The following CNNM2 variants were observed in gnomAD, a reference collection of about 807,000 sequenced individuals.
The protein encoded by CNNM2 is cyclin and CBS domain divalent metal cation transport mediator 2.
A neutral mutation model predicts 66.9 loss-of-function variants in CNNM2; 12 were observed. The ratio of observed to expected loss-of-function variants is 0.18; its 90% CI spans 0.11 to 0.29. CNNM2 has a LOEUF of 0.29. Ranked by LOEUF, CNNM2 falls within the 10% of genes least tolerant of loss-of-function variation. The probability of loss-of-function intolerance (pLI) is 1.00; values close to 1 mark genes in which losing one functional copy is unlikely to be tolerated. For missense variants in CNNM2, 705 were observed against 1,167.7 expected, an observed-to-expected ratio of 0.60 and a Z score of 5.77; for synonymous variants, 557 against 501.8, an observed-to-expected ratio of 1.11 and a Z score of -1.47.
At chr10:102,934,052 C>G (rs922506738) in intron 1 of CNNM2, among the ~76,000 whole-genome samples, 5 of 150,002 alleles carry the variant, frequency 3.3e-5, no homozygotes, top group African/African-American at 4.9e-5. Flanking sequence ...CTATGTTGCC[C>G]AGGCTGATCT....
intron 4 of CNNM2, among the ~76,000 whole-genome samples, chr10:103,058,905 A>G (rs2065338407): frequency 6.6e-6 from 1 of 152,226 alleles, no homozygotes; most frequent in Admixed American, 6.5e-5. Flanking sequence ...TCACTAAGCC[A>G]GCGTTGGAAG....
At chr10:102,933,327 G>C (rs372968583) in intron 1 of CNNM2, among the ~76,000 whole-genome samples, 99 of 152,244 alleles carry the variant, frequency 6.5e-4, no homozygotes, top group African/African-American at 2.1e-3. Context: ...GTAGTTTTCA[G>C]TGTGCTTGCA....
chr10:102,941,416 C>T (rs1846428992), intron 1 of CNNM2, among the ~76,000 whole-genome samples: 1 of 151,722 alleles, frequency 6.6e-6, no homozygotes, highest in African/African-American at 2.4e-5. Context: ...TTGATATTGT[C>T]TTTTAACAAG....
At chr10:103,052,366 G>A (rs1310570636) in intron 2 of CNNM2, among the ~76,000 whole-genome samples, 1 of 151,654 alleles carries the variant, frequency 6.6e-6, no homozygotes, top group Non-Finnish European at 1.5e-5. Context: ...TTAGGAAGGC[G>A]ATTTACCATT....
chr10:103,034,574 G>C (rs1472463618), intron 1 of CNNM2, among the ~76,000 whole-genome samples: 1 of 152,100 alleles, frequency 6.6e-6, no homozygotes, highest in Non-Finnish European at 1.5e-5. Context: ...TTGTGTTGTA[G>C]AAATCAGCCA....
intron 1 of CNNM2, among the ~76,000 whole-genome samples, chr10:102,957,334 A>G (rs950682998): frequency 6.6e-6 from 1 of 152,162 alleles, no homozygotes; most frequent in Non-Finnish European, 1.5e-5. Flanking sequence ...AAAAAAGATG[A>G]TAAGATTTCA....
chr10:102,995,155 C>T (rs1477847504), intron 1 of CNNM2, among the ~76,000 whole-genome samples: 2 of 20,930 alleles, frequency 9.6e-5, no homozygotes, highest in Non-Finnish European at 1.2e-4. Context: ...CCTCCTCCCC[C>T]TCTTCCTCCT....
chr10:103,051,051 C>T (rs1434440893), intron 2 of CNNM2, among the ~76,000 whole-genome samples: 4 of 152,082 alleles, frequency 2.6e-5, no homozygotes, highest in African/African-American at 9.7e-5. Context: ...TAAAGCATGG[C>T]TTGGCGGAGG....
At chr10:102,921,032 G>A in intron 1 of CNNM2, 1 of 953,800 alleles carries the variant, frequency 1.0e-6, no homozygotes, top group South Asian at 4.8e-5. Flanking sequence ...TTAAGTTGAA[G>A]TATGTCTCCG....
intron 1 of CNNM2, among the ~76,000 whole-genome samples, chr10:103,006,484 G>A (rs902933803): frequency 6.6e-6 from 1 of 152,124 alleles, no homozygotes; most frequent in Non-Finnish European, 1.5e-5. Context: ...GGGATTACAG[G>A]TGTGAACCAC....
At chr10:103,020,034 GT>G (rs540815647) in intron 1 of CNNM2, among the ~76,000 whole-genome samples, 2 of 151,872 alleles carry the variant, frequency 1.3e-5, no homozygotes, top group African/African-American at 2.4e-5. Flanking sequence ...TACTCGTGTG[GT>G]TTTTTTCTTA....
chr10:103,056,903 C>T lies in CNNM2; in HGVS notation c.2012C>T (p.Ala671Val), dbSNP rs375262395. Residue 671 changes from alanine to valine, a missense_variant, in exon 4 of 8, where the codon GCC (alanine) becomes GTC (valine). Ala to Val is a moderately conservative substitution (Grantham distance 64, BLOSUM62 0). Coordinates refer to ENST00000369878, the MANE Select transcript of CNNM2 (RefSeq NM_017649.5). Reference protein sequence around the residue: ...ELKYDEKNKKAPEYYLYQRNK... With the variant: ...ELKYDEKNKKVPEYYLYQRNK... ...AAATATGATGAGAAGAACAAGAAAG[C>T]CCCCGAATACTACCTCTACCAGCGC... 1.5e-5 allele frequency: 25 copies of T among 1,613,828 alleles called. No homozygotes were observed. The highest frequency in any genetic ancestry group is 2.0e-5 in the Non-Finnish European group (24 of 1,179,894).
rs1213484968 is a variant in CNNM2 at position 103,083,131 on chromosome 10, A to G, written c.*5951A>G. 4 of 152,206 alleles carry G rather than the reference A, an allele frequency of 2.6e-5. No homozygotes were observed. The highest frequency in any genetic ancestry group is 9.7e-5 in the African/African-American group (4 of 41,446). 9.4% of individuals were successfully genotyped at this position (152,206 alleles called of 1,614,324 possible). ...CCTCAGCCTTTATTCACTGTATCAT[A>G]GTGTACAGGTCATGCATTTGAGCAG... On this transcript the variant is annotated 3_prime_UTR_variant, in exon 8 of 8. Transcript: ENST00000369878.
chr10:102,982,026 T>C (rs1475259341), intron 1 of CNNM2, among the ~76,000 whole-genome samples: 1 of 152,296 alleles, frequency 6.6e-6, no homozygotes, highest in East Asian at 1.9e-4. Flanking sequence ...ATTTGAAGTA[T>C]ATCCACTACA....
At chr10:103,053,032 G>A (rs2065241432) in intron 2 of CNNM2, among the ~76,000 whole-genome samples, 1 of 152,206 alleles carries the variant, frequency 6.6e-6, no homozygotes, top group Non-Finnish European at 1.5e-5. Context: ...CCTTGGGAAG[G>A]AGCAAGCAAT....
chr10:102,947,610 G>A (rs1340031432), intron 1 of CNNM2, among the ~76,000 whole-genome samples: 2 of 151,970 alleles, frequency 1.3e-5, no homozygotes, highest in Non-Finnish European at 2.9e-5. Flanking sequence ...AATTAGCTGG[G>A]CGTAGTGGTG....
Position 103,089,457 on chromosome 10 carries a change from C to T in CNNM2, c.*12277C>T. 1.4e-6 allele frequency: 1 copy of T among 694,772 alleles called. No individual in the cohort carries two copies. Among genetic ancestry groups the T allele is most frequent in the South Asian group, 3.7e-5 (1 of 27,068 alleles). 43.0% of individuals were successfully genotyped at this position (694,772 alleles called of 1,614,324 possible). A position where few individuals can be genotyped will look rare whatever the true frequency, so the allele number is the denominator to read the frequency against. ...ATTTTACCCTTATTTTCTTCTAATA[C>T]AGACTCCATTACAATTTTGGACCAT... is the stretch of plus-strand genomic sequence containing the variant. On this transcript the variant is annotated 3_prime_UTR_variant, in exon 8 of 8. Transcript: ENST00000369878.
intron 4 of CNNM2, among the ~76,000 whole-genome samples, chr10:103,057,558 G>A (rs1433243828): frequency 6.6e-6 from 1 of 152,072 alleles, no homozygotes; most frequent in Non-Finnish European, 1.5e-5. Context: ...TGAAGAGTGT[G>A]GGAGAGTTTA....
In CNNM2 at chr10:102,922,523, C is replaced by A. The variant is rs1057373215; in HGVS notation, c.1621+2422C>A. ...GTATTAAATGGTTTGAAGACTTTTT[C>A]TTCCTCTACCTCTCTCCTAAATTCC... On this transcript the variant is annotated intron_variant, in intron 1 of 7. Coordinates refer to ENST00000369878, the MANE Select transcript of CNNM2 (RefSeq NM_017649.5). Among the ~76,000 whole-genome samples the A allele has an allele frequency of 5.3e-5, 8 of 152,072 alleles. 1 individual carries two copies. In the South Asian group the frequency reaches 1.2e-3, roughly 24 times the overall value.
Sources: gnomAD v4.1 joint callset for allele counts (sites outside exome capture counted in the v4.1 genomes callset) on GRCh38, gnomAD v4.1.1 for gene constraint, MANE v1.5 for transcripts, NCBI Gene and HGNC (gene_info 2026-07-23, HGNC 2026-07-21) for gene names.